Variants in APLF observed in about 807,000 individuals in gnomAD.
APLF encodes the protein aprataxin and PNKP like factor, also known as aprataxin and PNK-like factor.
APLF carries 61 observed loss-of-function variants against 55.6 expected under a neutral mutation model. The observed-to-expected ratio is 1.10, with a 90% confidence interval of 0.89 to 1.36. The LOEUF (loss-of-function observed/expected upper bound fraction) is 1.36, where lower values mean the gene tolerates loss of function less well. Among genes scored for constraint, APLF ranks in the 40% most tolerant of loss-of-function variants. The pLI is 0.00. For synonymous variants in APLF, 207 were observed against 214.8 expected (o/e 0.96, Z 0.32); for missense variants, 611 against 602.5 (o/e 1.01, Z -0.15).
intron 6 of APLF, among the ~76,000 whole-genome samples, chr2:68,537,195 C>T (rs901884225): frequency 2.0e-5 from 3 of 151,714 alleles, no homozygotes; most frequent in South Asian, 2.1e-4. Flanking sequence ...TTATAAGGAC[C>T]GTGCATGTTA....
At chr2:68,576,153 AC>A (rs1464917759) in intron 9 of APLF, among the ~76,000 whole-genome samples, 1 of 152,144 alleles carries the variant, frequency 6.6e-6, no homozygotes, top group Non-Finnish European at 1.5e-5. Flanking sequence ...TATCATTAGG[AC>A]ATGTTATGTG....
chr2:68,552,254 C>T (rs1314358880), intron 8 of APLF, among the ~76,000 whole-genome samples: 2 of 152,060 alleles, frequency 1.3e-5, no homozygotes, highest in Non-Finnish European at 2.9e-5. Context: ...AGACCCTCAG[C>T]CTCTCACACC....
intron 6 of APLF, chr2:68,528,862 C>G (rs1194117371): frequency 6.6e-7 from 1 of 1,525,390 alleles, no homozygotes; most frequent in African/African-American, 1.4e-5. Context: ...TGGGATTGTA[C>G]CAGGAGGAAG....
intron 8 of APLF, among the ~76,000 whole-genome samples, chr2:68,560,305 G>A (rs1671134557): frequency 6.6e-6 from 1 of 152,092 alleles, no homozygotes; most frequent in South Asian, 2.1e-4. Context: ...ACAGTGCTTG[G>A]CATATAGTAG....
intron 5 of APLF, among the ~76,000 whole-genome samples, chr2:68,517,387 T>TTATTACTATATATTAATATATCTATA (rs1558538636): frequency 1.3e-4 from 17 of 131,598 alleles, no homozygotes; most frequent in Non-Finnish European, 2.2e-4. Context: ...GTAATATATG[T>TTATTACTATATATTAATATATCTATA]TATTACTATA....
At chr2:68,484,404 T>C (rs1309952494) in intron 1 of APLF, among the ~76,000 whole-genome samples, 1 of 152,068 alleles carries the variant, frequency 6.6e-6, no homozygotes, top group Non-Finnish European at 1.5e-5. Flanking sequence ...GAATGCAGTT[T>C]AGGGCTGGGC....
At chr2:68,539,882 A>G (rs1486848816) in intron 7 of APLF, among the ~76,000 whole-genome samples, 2 of 152,184 alleles carry the variant, frequency 1.3e-5, no homozygotes, top group African/African-American at 4.8e-5. Context: ...ACATTGCAGT[A>G]GAGATCATAG....
intron 5 of APLF, among the ~76,000 whole-genome samples, chr2:68,517,506 CTATA>C (rs562581251): frequency 2.8e-3 from 396 of 139,684 alleles, no homozygotes; most frequent in Non-Finnish European, 4.3e-3. Flanking sequence ...TATGTTATCA[CTATA>C]TATTAATATA....
chr2:68,531,906 A>G (rs1180088957), intron 6 of APLF, among the ~76,000 whole-genome samples: 2 of 152,192 alleles, frequency 1.3e-5, no homozygotes, highest in African/African-American at 4.8e-5. Flanking sequence ...AGGGAGTATT[A>G]CAACCAGGTC....
chr2:68,538,039 T>C lies in APLF; in HGVS notation c.972T>C (p.Cys324=), dbSNP rs751388651. Residue 324 remains cysteine, a synonymous_variant, in exon 7 of 10, where the codon TGT becomes TGC. Transcript: ENST00000303795. ...TPHKEDEAMS[C]SENCSSAQGD... Reference sequence around the variant, plus strand: ...ATAAAGAAGATGAGGCAATGAGCTGTTCTGAAAATTGTTCGAGTGCCCAGG... The same window carrying C: ...ATAAAGAAGATGAGGCAATGAGCTGCTCTGAAAATTGTTCGAGTGCCCAGG... 1 of 1,614,146 alleles carries C rather than the reference T, an allele frequency of 6.2e-7. No homozygotes were observed. The highest frequency in any genetic ancestry group is 2.2e-5 in the East Asian group (1 of 44,890).
chr2:68,518,796 A>T (rs1470507387), intron 5 of APLF, among the ~76,000 whole-genome samples: 1 of 20,464 alleles, frequency 4.9e-5, no homozygotes, highest in African/African-American at 2.3e-4. Context: ...TAAAATATTA[A>T]TAATCTATCA....
chr2:68,467,918 C>T (rs1333962921), intron 1 of APLF, 91 bp downstream of exon 1: 3 of 992,564 alleles, frequency 3.0e-6, no homozygotes, highest in Non-Finnish European at 2.6e-6. Flanking sequence ...CCGGTTTCCC[C>T]ACCGCACTGG....
intron 1 of APLF, among the ~76,000 whole-genome samples, chr2:68,486,537 T>C (rs1184083268): frequency 6.6e-6 from 1 of 152,174 alleles, no homozygotes; most frequent in African/African-American, 2.4e-5. Context: ...CTCTCTCCTC[T>C]GTTTCTGTCA....
At chr2:68,548,020 T>C (rs1027743552) in intron 8 of APLF, among the ~76,000 whole-genome samples, 22 of 151,856 alleles carry the variant, frequency 1.4e-4, no homozygotes, top group African/African-American at 5.3e-4. Context: ...TGTTCCACTT[T>C]ACTGTTTAAG....
intron 5 of APLF, among the ~76,000 whole-genome samples, chr2:68,519,345 T>G (rs970759224): frequency 4.6e-4 from 68 of 146,784 alleles, no homozygotes; most frequent in African/African-American, 1.6e-3. Flanking sequence ...CCCAAAAACA[T>G]GATTCATATT....
intron 3 of APLF, among the ~76,000 whole-genome samples, chr2:68,509,486 A>G (rs1157831527): frequency 1.3e-5 from 2 of 152,190 alleles, no homozygotes; most frequent in Admixed American, 1.3e-4. Flanking sequence ...ATCACTGGCC[A>G]TCAGAGAAAT....
At chr2:68,527,014 C>T (rs537380024) in intron 6 of APLF, among the ~76,000 whole-genome samples, 89 of 152,314 alleles carry the variant, frequency 5.8e-4, no homozygotes, top group South Asian at 3.9e-3. Context: ...TGGAAGGTTG[C>T]GCAGTAGCTG....
At chr2:68,483,841 A>C (rs568486284) in intron 1 of APLF, among the ~76,000 whole-genome samples, 32 of 152,286 alleles carry the variant, frequency 2.1e-4, no homozygotes, top group Admixed American at 2.1e-3. Flanking sequence ...ACATGAGAAC[A>C]TTGAATTAAT....
chr2:68,494,114 GA>G (rs959243999), intron 2 of APLF, among the ~76,000 whole-genome samples: 135 of 115,776 alleles, frequency 1.2e-3, no homozygotes, highest in Middle Eastern at 0.011. Flanking sequence ...TCCCAAAAGA[GA>G]AAAAAAAAAA....
Sources: allele counts gnomAD v4.1 joint callset (sites outside exome capture counted in the v4.1 genomes callset), GRCh38; gene constraint gnomAD v4.1.1; transcripts MANE v1.5; gene names NCBI Gene and HGNC (gene_info 2026-07-23, HGNC 2026-07-21).